The following CORO2B variants were observed in gnomAD, a reference collection of about 807,000 sequenced individuals.
CORO2B encodes the protein coronin 2B.
Under a neutral mutation model 58.8 loss-of-function variants are expected in CORO2B, and 26 were observed. The observed-to-expected ratio is 0.44, with a 90% CI of 0.32 to 0.61. CORO2B has a LOEUF of 0.61. Among genes scored for constraint, CORO2B ranks in the 20% least tolerant of loss-of-function variants. The probability of loss-of-function intolerance (pLI) is 0.04; values close to 1 mark genes in which losing one functional copy is unlikely to be tolerated. For synonymous variants in CORO2B, 242 were observed against 253.8 expected, an observed-to-expected ratio of 0.95 and a Z score of 0.44; for missense variants, 460 against 645.1, an observed-to-expected ratio of 0.71 and a Z score of 3.11.
At chr15:68,549,998 G>T in the CORO2B span, among the ~76,000 whole-genome samples, 1 of 93,966 alleles carries the variant, frequency 1.1e-5, no homozygotes, top group South Asian at 3.9e-4. Flanking sequence ...GCTGGTGACC[G>T]TGGGCAAGTT....
intron 2 of CORO2B, among the ~76,000 whole-genome samples, chr15:68,680,530 C>A (rs1308957134): frequency 6.6e-6 from 1 of 152,168 alleles, no homozygotes; most frequent in East Asian, 1.9e-4. Flanking sequence ...GTCCATGCAA[C>A]TGTACAGGGG....
At chr15:68,684,881 TAC>T (rs1395695741) in intron 2 of CORO2B, among the ~76,000 whole-genome samples, 1 of 152,134 alleles carries the variant, frequency 6.6e-6, no homozygotes, top group Non-Finnish European at 1.5e-5. Flanking sequence ...AGGACTACAA[TAC>T]CTGTTTTATA....
chr15:68,580,376 A>G (rs1899398958), intron 1 of CORO2B, among the ~76,000 whole-genome samples: 1 of 24,634 alleles, frequency 4.1e-5, no homozygotes, highest in African/African-American at 7.6e-5. Context: ...GTGGGGTCAG[A>G]TGGAGGGTCA....
chr15:68,707,156 A>G (rs1183434399), intron 3 of CORO2B, among the ~76,000 whole-genome samples: 1 of 152,154 alleles, frequency 6.6e-6, no homozygotes, highest in African/African-American at 2.4e-5. Flanking sequence ...TGCTAGGATT[A>G]CAGACGTGAG....
chr15:68,558,668 A>C, the CORO2B span, among the ~76,000 whole-genome samples: 1 of 152,138 alleles, frequency 6.6e-6, no homozygotes. Flanking sequence ...GAGCCACCGC[A>C]CTGGCCTCTC....
the CORO2B span, among the ~76,000 whole-genome samples, chr15:68,571,405 A>G: frequency 6.6e-6 from 1 of 152,056 alleles, no homozygotes; most frequent in African/African-American, 2.4e-5. Context: ...TCTTTTTCTC[A>G]TGGTGGGAGA....
At chr15:68,616,471 G>A (rs768559948) in intron 1 of CORO2B, 50 of 903,054 alleles carry the variant, frequency 5.5e-5, no homozygotes, top group African/African-American at 7.2e-5. Flanking sequence ...AAGGTCTCTT[G>A]CTGCCCGGCC....
At chr15:68,616,550 C>T in intron 1 of CORO2B, 1 of 985,476 alleles carries the variant, frequency 1.0e-6, no homozygotes, top group East Asian at 1.1e-4. Flanking sequence ...ATTCAAACCG[C>T]CTGCTGGGTG....
At chr15:68,526,099 A>G in the CORO2B span, among the ~76,000 whole-genome samples, 1 of 152,214 alleles carries the variant, frequency 6.6e-6, no homozygotes, top group Non-Finnish European at 1.5e-5. Flanking sequence ...TCATGTATCA[A>G]TAGTCATTTT....
chr15:68,564,957 A>G, the CORO2B span, among the ~76,000 whole-genome samples: 498 of 152,188 alleles, frequency 3.3e-3, 4 homozygotes, highest in African/African-American at 0.012. Context: ...AATTTCTGGA[A>G]TTTTTTTTGT....
At chr15:68,586,216 C>T (rs1283142481) in intron 1 of CORO2B, among the ~76,000 whole-genome samples, 1 of 152,038 alleles carries the variant, frequency 6.6e-6, no homozygotes, top group Non-Finnish European at 1.5e-5. Flanking sequence ...TAAAGTGAGC[C>T]GATCCATGTG....
At chr15:68,538,250 G>C in the CORO2B span, among the ~76,000 whole-genome samples, 6 of 152,304 alleles carry the variant, frequency 3.9e-5, no homozygotes. Context: ...TGTGTGTGGA[G>C]GAAGAGGGGA....
chr15:68,650,129 G>A (rs997679149), intron 2 of CORO2B, among the ~76,000 whole-genome samples: 1 of 152,142 alleles, frequency 6.6e-6, no homozygotes, highest in Admixed American at 6.6e-5. Context: ...AGCACTTTGG[G>A]AGGCCGAGGC....
chr15:68,701,736 G>A (rs1281140981), intron 3 of CORO2B, among the ~76,000 whole-genome samples: 1 of 151,890 alleles, frequency 6.6e-6, no homozygotes, highest in African/African-American at 2.4e-5. Context: ...TGCCCGCCTC[G>A]GCCTCCCGAA....
the CORO2B span, among the ~76,000 whole-genome samples, chr15:68,555,610 C>T: frequency 6.6e-6 from 1 of 152,160 alleles, no homozygotes; most frequent in South Asian, 2.1e-4. Flanking sequence ...GGAGAGGGGC[C>T]CAGGTTACTT....
At chr15:68,682,208 G>A (rs1380749879) in intron 2 of CORO2B, among the ~76,000 whole-genome samples, 3 of 152,224 alleles carry the variant, frequency 2.0e-5, no homozygotes, top group Admixed American at 2.0e-4. Flanking sequence ...CCTGCAGATA[G>A]TTATGTATGC....
intron 2 of CORO2B, among the ~76,000 whole-genome samples, chr15:68,670,291 C>G (rs1327531913): frequency 6.6e-6 from 1 of 152,070 alleles, no homozygotes; most frequent in Non-Finnish European, 1.5e-5. Flanking sequence ...CCTACCACCT[C>G]AGCCTCCCAA....
intron 3 of CORO2B, among the ~76,000 whole-genome samples, chr15:68,701,747 G>C (rs1596025639): frequency 6.6e-6 from 1 of 152,074 alleles, no homozygotes; most frequent in African/African-American, 2.4e-5. Context: ...GCCTCCCGAA[G>C]TGCTGGGATT....
At chr15:68,585,292 C>T (rs1323891178) in intron 1 of CORO2B, among the ~76,000 whole-genome samples, 2 of 152,180 alleles carry the variant, frequency 1.3e-5, no homozygotes, top group Non-Finnish European at 2.9e-5. Context: ...GATGCACGCC[C>T]AGATCTTCTG....
Sources: allele counts gnomAD v4.1 joint callset (sites outside exome capture counted in the v4.1 genomes callset), GRCh38; gene constraint gnomAD v4.1.1; transcripts MANE v1.5; gene names NCBI Gene and HGNC (gene_info 2026-07-23, HGNC 2026-07-21).